CLUAP1: variants seen among roughly 807,000 people sequenced by gnomAD.
The protein encoded by CLUAP1 is clusterin-associated protein 1.
CLUAP1 carries 50 observed loss-of-function variants against 55.0 expected under a neutral mutation model. The ratio of observed to expected loss-of-function variants is 0.91; its 90% CI spans 0.72 to 1.15. The LOEUF (loss-of-function observed/expected upper bound fraction) is 1.15. CLUAP1 is among the 50% of genes most tolerant of loss of function. CLUAP1 has a pLI of 0.00. For synonymous variants in CLUAP1, 195 were observed against 175.4 expected (o/e 1.11, Z -0.88); for missense variants, 530 against 507.6 (o/e 1.04, Z -0.42).
intron 3 of CLUAP1, 39 bp downstream of exon 3, chr16:3,506,454 T>C: frequency 6.8e-7 from 1 of 1,479,438 alleles, no homozygotes. Context: ...TAAAATTAAA[T>C]AAACTAGAAA....
chr16:3,515,655 GC>G, intron 6 of CLUAP1, 64 bp downstream of exon 6: 1 of 1,148,524 alleles, frequency 8.7e-7, no homozygotes, highest in Admixed American at 2.3e-5. Context: ...CTGATTTCTT[GC>G]CCATACAAGA....
chr16:3,529,946 T>C (rs1567440679), intron 9 of CLUAP1, among the ~76,000 whole-genome samples: 1 of 128,184 alleles, frequency 7.8e-6, no homozygotes, highest in Non-Finnish European at 1.6e-5. Flanking sequence ...ATATGACAAT[T>C]ATATAACATA....
At chr16:3,531,754 G>A (rs920060752) in intron 10 of CLUAP1, among the ~76,000 whole-genome samples, 11 of 151,830 alleles carry the variant, frequency 7.2e-5, no homozygotes, top group Non-Finnish European at 8.8e-5. Flanking sequence ...CAACCAGACG[G>A]TATGTATGGT....
At chr16:3,527,066 G>A (rs62037029) in intron 9 of CLUAP1, among the ~76,000 whole-genome samples, 21 of 152,122 alleles carry the variant, frequency 1.4e-4, no homozygotes, top group African/African-American at 3.6e-4. Flanking sequence ...CCTAGATTCC[G>A]GGAAGGAGCT....
intron 9 of CLUAP1, among the ~76,000 whole-genome samples, chr16:3,529,453 AT>A (rs1470190579): frequency 1.4e-4 from 10 of 72,930 alleles, no homozygotes; most frequent in Admixed American, 2.3e-4. Flanking sequence ...ATTATATATT[AT>A]TATATATAAT....
intron 3 of CLUAP1, 115 bp downstream of exon 3, chr16:3,506,530 A>T: frequency 2.4e-6 from 2 of 829,248 alleles, no homozygotes; most frequent in South Asian, 1.5e-5. Context: ...TTTTTTTGAG[A>T]TGGAGTCTCA....
intron 5 of CLUAP1, among the ~76,000 whole-genome samples, chr16:3,512,873 G>C (rs187446185): frequency 3.6e-4 from 55 of 152,146 alleles, no homozygotes; most frequent in African/African-American, 1.3e-3. Flanking sequence ...GTAGAGACAG[G>C]GTTTCACCGT....
chr16:3,533,067 C>G (rs538260784), intron 11 of CLUAP1: 8 of 1,531,908 alleles, frequency 5.2e-6, no homozygotes, highest in Non-Finnish European at 6.1e-6. Context: ...TTTTTGCCTT[C>G]TCACTGTTCT....
chr16:3,498,887 C>CA (rs1377351132), upstream of CLUAP1, among the ~76,000 whole-genome samples: 10 of 142,436 alleles, frequency 7.0e-5, no homozygotes, highest in South Asian at 6.7e-4. Flanking sequence ...AACAAACAAA[C>CA]AACAACAACA....
intron 4 of CLUAP1, among the ~76,000 whole-genome samples, chr16:3,511,266 G>A (rs914981286): frequency 2.0e-5 from 3 of 152,198 alleles, no homozygotes; most frequent in African/African-American, 7.2e-5. Context: ...AGGAGAGAGG[G>A]AGAGTGAGCA....
intron 4 of CLUAP1, among the ~76,000 whole-genome samples, chr16:3,512,060 C>G (rs1271732921): frequency 2.0e-5 from 3 of 152,084 alleles, no homozygotes; most frequent in East Asian, 3.8e-4. Context: ...GTGGCACATG[C>G]CTGTAATCCC....
In CLUAP1 at chr16:3,519,914, G is replaced by C; in HGVS notation, c.591G>C (p.Gln197His). The change falls in exon 7 of 12, where the codon CAG becomes CAC. Residue 197 changes from glutamine to histidine, a missense_variant. By Grantham distance (24) the Gln-to-His change is conservative. Transcript: ENST00000576634. ...CCCATTAAATATAGACACAGGTTCA[G>C]AAGACTAAAGACCTGCTCAATAATG... ...IAIKEILTQVQKTKDLLNNVA... is the reference protein window; with the variant it reads ...IAIKEILTQVHKTKDLLNNVA... 1 of 1,601,814 alleles carries C rather than the reference G, an allele frequency of 6.2e-7. No homozygotes were observed. Among genetic ancestry groups the C allele is most frequent in the Non-Finnish European group, 8.5e-7 (1 of 1,176,652 alleles).
At chr16:3,535,852 T>C (rs1463127814) in intron 11 of CLUAP1, 2 of 435,542 alleles carry the variant, frequency 4.6e-6, no homozygotes, top group Non-Finnish European at 8.3e-6. Flanking sequence ...AGATGCAGAG[T>C]GCTTCTTAGA....
At chr16:3,508,596 G>A (rs1277734045) in intron 4 of CLUAP1, 128 bp downstream of exon 4, 1 of 743,810 alleles carries the variant, frequency 1.3e-6, no homozygotes, top group East Asian at 3.2e-5. Flanking sequence ...TCAGTTTTGT[G>A]CTCATCAGCA....
chr16:3,529,375 A>G (rs1223246770), intron 9 of CLUAP1, among the ~76,000 whole-genome samples: 5 of 107,250 alleles, frequency 4.7e-5, no homozygotes, highest in East Asian at 2.4e-4. Context: ...CCAGTTTTGT[A>G]TGTGTGTGTG....
At chr16:3,508,605 C>T in intron 4 of CLUAP1, 137 bp downstream of exon 4, 2 of 679,996 alleles carry the variant, frequency 2.9e-6, no homozygotes, top group Non-Finnish European at 4.5e-6. Flanking sequence ...TGCTCATCAG[C>T]ATTTGGATAA....
At chr16:3,504,633 A>C in intron 1 of CLUAP1, 87 bp from the exon 2 acceptor site, 1 of 804,584 alleles carries the variant, frequency 1.2e-6, no homozygotes, top group Non-Finnish European at 2.2e-6. Flanking sequence ...GGTTGGAAAT[A>C]AGAAGGAAAA....
At chr16:3,509,007 A>G (rs1345006587) in intron 4 of CLUAP1, among the ~76,000 whole-genome samples, 2 of 152,050 alleles carry the variant, frequency 1.3e-5, no homozygotes, top group African/African-American at 4.8e-5. Flanking sequence ...CTGTAAGCCA[A>G]ACACTTTGGG....
chr16:3,529,465 ATATATTATATTATATATTATATAAT>A, intron 9 of CLUAP1, among the ~76,000 whole-genome samples: 2 of 73,734 alleles, frequency 2.7e-5, no homozygotes, highest in East Asian at 2.9e-4. Flanking sequence ...TATATATAAT[ATATATTATATTATATATTATATAAT>A]TATATTATAT....
Sources: gnomAD v4.1 joint callset for allele counts (sites outside exome capture counted in the v4.1 genomes callset) on GRCh38, gnomAD v4.1.1 for gene constraint, MANE v1.5 for transcripts, NCBI Gene and HGNC (gene_info 2026-07-23, HGNC 2026-07-21) for gene names.